The following SRD5A2 variants were observed in gnomAD, a reference collection of about 807,000 sequenced individuals.
SRD5A2 encodes steroid 5 alpha-reductase 2, also known as 3-oxo-5-alpha-steroid 4-dehydrogenase 2.
A neutral mutation model predicts 27.4 loss-of-function variants in SRD5A2; 30 were observed. The ratio of observed to expected loss-of-function variants is 1.10; its 90% CI spans 0.82 to 1.49. The LOEUF (loss-of-function observed/expected upper bound fraction) is 1.49. Ranked by LOEUF, SRD5A2 falls within the 40% of genes most tolerant of loss-of-function variation. The pLI, the probability that SRD5A2 is intolerant of heterozygous loss-of-function variation, is 0.00. For synonymous variants in SRD5A2, 141 were observed against 133.6 expected (o/e 1.06, Z -0.38); for missense variants, 348 against 323.4 (o/e 1.08, Z -0.58).
At chr2:31,529,968 C>T (rs1429157015) in intron 3 of SRD5A2, among the ~76,000 whole-genome samples, 1 of 152,142 alleles carries the variant, frequency 6.6e-6, no homozygotes, top group Non-Finnish European at 1.5e-5. Context: ...TTCTGCAAAG[C>T]ACTCTCCTCT....
chr2:31,641,039 T>A, the SRD5A2 span, among the ~76,000 whole-genome samples: 1 of 152,164 alleles, frequency 6.6e-6, no homozygotes, highest in Non-Finnish European at 1.5e-5. Context: ...TCTCCTCCCA[T>A]CTACTCATTT....
At chr2:31,625,752 T>TG in the SRD5A2 span, among the ~76,000 whole-genome samples, 3 of 152,226 alleles carry the variant, frequency 2.0e-5, no homozygotes, top group Non-Finnish European at 2.9e-5. Flanking sequence ...AATGCTGTTT[T>TG]GGTTACTGTA....
chr2:31,634,169 T>A, the SRD5A2 span, among the ~76,000 whole-genome samples: 15 of 143,454 alleles, frequency 1.0e-4, no homozygotes, highest in Admixed American at 4.2e-4. Flanking sequence ...AAAAAAAAAA[T>A]TTAATGGAAG....
intron 1 of SRD5A2, among the ~76,000 whole-genome samples, chr2:31,571,285 T>A (rs957948773): frequency 6.6e-6 from 1 of 152,088 alleles, no homozygotes; most frequent in Non-Finnish European, 1.5e-5. Context: ...GACTCCCTAT[T>A]CAAAATGGAG....
chr2:31,614,557 G>C, the SRD5A2 span, among the ~76,000 whole-genome samples: 1 of 152,184 alleles, frequency 6.6e-6, no homozygotes, highest in Non-Finnish European at 1.5e-5. Flanking sequence ...GGGTCCGTAG[G>C]ACAGTGGCCT....
At chr2:31,589,969 T>A in the SRD5A2 span, among the ~76,000 whole-genome samples, 2 of 152,062 alleles carry the variant, frequency 1.3e-5, no homozygotes, top group Admixed American at 6.5e-5. Flanking sequence ...GCATGAGAGC[T>A]GAGTGAGGCC....
chr2:31,543,617 A>G (rs1254693536), intron 1 of SRD5A2, among the ~76,000 whole-genome samples: 2 of 152,168 alleles, frequency 1.3e-5, no homozygotes, highest in East Asian at 1.9e-4. Flanking sequence ...TGTGACATTA[A>G]CAATCAAAGA....
chr2:31,555,749 T>G (rs1666481834), intron 1 of SRD5A2, among the ~76,000 whole-genome samples: 1 of 152,136 alleles, frequency 6.6e-6, no homozygotes, highest in African/African-American at 2.4e-5. Flanking sequence ...ACAGAAAACA[T>G]GTCCTGATAA....
upstream of SRD5A2, among the ~76,000 whole-genome samples, chr2:31,581,631 C>T (rs1572375824): frequency 6.6e-6 from 1 of 152,302 alleles, no homozygotes; most frequent in East Asian, 1.9e-4. Context: ...CAGAGAGGAG[C>T]GTCCGCTGAG....
the SRD5A2 span, among the ~76,000 whole-genome samples, chr2:31,640,769 G>A: frequency 6.6e-6 from 1 of 152,098 alleles, no homozygotes; most frequent in African/African-American, 2.4e-5. Context: ...CCCCAGGGAT[G>A]GGGATGGTAG....
the SRD5A2 span, among the ~76,000 whole-genome samples, chr2:31,627,374 GTCTA>G: frequency 6.6e-6 from 1 of 151,670 alleles, no homozygotes; most frequent in African/African-American, 2.4e-5. Context: ...CTAGCTAGTG[GTCTA>G]TCTTATTAAT....
At chr2:31,632,936 C>A in the SRD5A2 span, among the ~76,000 whole-genome samples, 1 of 152,212 alleles carries the variant, frequency 6.6e-6, no homozygotes, top group Non-Finnish European at 1.5e-5. Flanking sequence ...TTCCTAACTT[C>A]CGAGGGAACA....
the SRD5A2 span, among the ~76,000 whole-genome samples, chr2:31,638,349 T>C: frequency 6.6e-6 from 1 of 152,152 alleles, no homozygotes; most frequent in Non-Finnish European, 1.5e-5. Context: ...TGGTCTAAGA[T>C]ACGGTCTATT....
At chr2:31,606,216 C>T in the SRD5A2 span, among the ~76,000 whole-genome samples, 23 of 151,842 alleles carry the variant, frequency 1.5e-4, no homozygotes, top group African/African-American at 5.1e-4. Flanking sequence ...ATGAGTAAGA[C>T]CTACTAATTG....
chr2:31,579,054 CTTCT>C (rs781515679), intron 1 of SRD5A2, among the ~76,000 whole-genome samples: 1 of 152,180 alleles, frequency 6.6e-6, no homozygotes, highest in Non-Finnish European at 1.5e-5. Flanking sequence ...ATCCAACATC[CTTCT>C]TTCTGTGCAA....
At chr2:31,528,038 C>T (rs1298953297) in intron 4 of SRD5A2, among the ~76,000 whole-genome samples, 1 of 152,180 alleles carries the variant, frequency 6.6e-6, no homozygotes, top group Non-Finnish European at 1.5e-5. Context: ...TGATAACAAC[C>T]TAATATATTA....
intron 1 of SRD5A2, among the ~76,000 whole-genome samples, chr2:31,534,869 A>C (rs1237086662): frequency 1.3e-5 from 2 of 151,848 alleles, no homozygotes; most frequent in Non-Finnish European, 2.9e-5. Flanking sequence ...GTGAGTCACC[A>C]TTTTTTTTAC....
At chr2:31,659,706 T>C in the SRD5A2 span, among the ~76,000 whole-genome samples, 21 of 152,134 alleles carry the variant, frequency 1.4e-4, no homozygotes, top group Non-Finnish European at 2.8e-4. Flanking sequence ...TGGAAAAACA[T>C]TCCACATTCA....
upstream of SRD5A2, among the ~76,000 whole-genome samples, chr2:31,582,629 T>C (rs139030268): frequency 1.6e-3 from 249 of 152,266 alleles, 1 homozygote; most frequent in Non-Finnish European, 3.1e-3. Context: ...CAAATCTAGA[T>C]TGCCAGCAAA....
Sources: allele counts gnomAD v4.1 joint callset (sites outside exome capture counted in the v4.1 genomes callset), GRCh38; gene constraint gnomAD v4.1.1; transcripts MANE v1.5; gene names NCBI Gene and HGNC (gene_info 2026-07-23, HGNC 2026-07-21).